EYS: variants seen among roughly 807,000 people sequenced by gnomAD.
EYS encodes the protein EGF-like photoreceptor maintenance factor, also known as protein eyes shut homolog.
In EYS, 250 loss-of-function variants were observed where a neutral mutation model predicts 282.1. The ratio of observed to expected loss-of-function variants is 0.89; its 90% confidence interval spans 0.80 to 0.98. The LOEUF (loss-of-function observed/expected upper bound fraction) is 0.98. Ranked by LOEUF, EYS falls within the 50% of genes least tolerant of loss-of-function variation. The pLI, the probability that EYS is intolerant of heterozygous loss-of-function variation, is 0.00. For missense variants in EYS, 4,016 were observed against 3,709.0 expected (o/e 1.08, Z -2.15); for synonymous variants, 1,355 against 1,282.9 (o/e 1.06, Z -1.20).
At chr6:64,528,185 C>A (rs921112148) in intron 26 of EYS, among the ~76,000 whole-genome samples, 1 of 151,730 alleles carries the variant, frequency 6.6e-6, no homozygotes, top group Non-Finnish European at 1.5e-5. Context: ...ATTTCATGTT[C>A]CTCCAGGTTT....
intron 22 of EYS, among the ~76,000 whole-genome samples, chr6:64,778,918 A>T (rs1773769399): frequency 6.6e-6 from 1 of 152,172 alleles, no homozygotes; most frequent in African/African-American, 2.4e-5. Context: ...GCTATTTGTC[A>T]TCAGAGAATT....
chr6:64,471,221 A>G (rs1476190836), intron 26 of EYS, among the ~76,000 whole-genome samples: 3 of 152,308 alleles, frequency 2.0e-5, no homozygotes, highest in East Asian at 3.9e-4. Flanking sequence ...CTTATTTAAC[A>G]TAGCATTGGA....
chr6:63,794,571 C>T (rs950612167), intron 37 of EYS, among the ~76,000 whole-genome samples: 4 of 152,186 alleles, frequency 2.6e-5, no homozygotes, highest in African/African-American at 9.7e-5. Flanking sequence ...CTTGGCTTAA[C>T]AGCCCATAAT....
At chr6:65,354,233 A>G (rs1393685) in intron 8 of EYS, among the ~76,000 whole-genome samples, 61,900 of 151,880 alleles carry the variant, frequency 0.41, 12,778 homozygotes, top group Non-Finnish European at 0.46. Flanking sequence ...ATCAACCAGC[A>G]TGAAATTTAA....
intron 26 of EYS, among the ~76,000 whole-genome samples, chr6:64,558,920 A>G (rs1373940608): frequency 6.6e-6 from 1 of 152,170 alleles, no homozygotes; most frequent in African/African-American, 2.4e-5. Flanking sequence ...GGCAGTTTCA[A>G]AGTTTTTGCA....
intron 30 of EYS, among the ~76,000 whole-genome samples, chr6:64,242,225 T>A (rs1473122281): frequency 6.6e-6 from 1 of 152,034 alleles, no homozygotes; most frequent in Non-Finnish European, 1.5e-5. Flanking sequence ...TCCTTGTTAA[T>A]TTTCTGTCTT....
intron 5 of EYS, among the ~76,000 whole-genome samples, chr6:65,454,344 A>G (rs1390648974): frequency 6.6e-6 from 1 of 151,778 alleles, no homozygotes. Flanking sequence ...TTTTTTGCCC[A>G]TTGCTAAATC....
chr6:64,771,435 C>T (rs950820235), intron 22 of EYS, among the ~76,000 whole-genome samples: 2 of 151,460 alleles, frequency 1.3e-5, no homozygotes, highest in Non-Finnish European at 3.0e-5. Context: ...GCTCTCTCTA[C>T]TTATTTTGGA....
intron 30 of EYS, among the ~76,000 whole-genome samples, chr6:64,297,178 C>A (rs1455868369): frequency 6.6e-6 from 1 of 152,150 alleles, no homozygotes; most frequent in Non-Finnish European, 1.5e-5. Flanking sequence ...TCACTGATTA[C>A]TGCTTCTGAT....
intron 36 of EYS, among the ~76,000 whole-genome samples, chr6:63,856,984 A>T (rs1772410468): frequency 1.3e-5 from 2 of 152,324 alleles, no homozygotes; most frequent in South Asian, 4.1e-4. Flanking sequence ...GATTAGATTT[A>T]GCTCCATATA....
intron 12 of EYS, among the ~76,000 whole-genome samples, chr6:65,222,212 T>C (rs1766484830): frequency 6.6e-6 from 1 of 152,062 alleles, no homozygotes; most frequent in South Asian, 2.1e-4. Flanking sequence ...GTGCATGAGA[T>C]TTTGCAGGGG....
chr6:65,695,933 G>C (rs1224224479), intron 1 of EYS, among the ~76,000 whole-genome samples: 2 of 151,922 alleles, frequency 1.3e-5, no homozygotes, highest in African/African-American at 4.8e-5. Context: ...ACTGCAACTT[G>C]AGCATTTTAC....
chr6:65,679,412 C>T (rs75106227), intron 1 of EYS, among the ~76,000 whole-genome samples: 2,638 of 151,980 alleles, frequency 0.017, 85 homozygotes, highest in African/African-American at 0.061. Context: ...CACTTGAGGA[C>T]ATCATGCTAA....
intron 12 of EYS, among the ~76,000 whole-genome samples, chr6:65,096,021 A>G (rs2150180740): frequency 6.6e-6 from 1 of 151,132 alleles, no homozygotes; most frequent in Non-Finnish European, 1.5e-5. Flanking sequence ...CTGTTTGGAG[A>G]TGACAGGGTC....
chr6:65,089,080 G>C (rs1181257951), intron 12 of EYS, among the ~76,000 whole-genome samples: 1 of 152,168 alleles, frequency 6.6e-6, no homozygotes, highest in Admixed American at 6.5e-5. Flanking sequence ...GAAGTTTGCT[G>C]TAGGGCCAGG....
Position 64,388,875 on chromosome 6 carries a change from A to G in EYS, c.5928-35T>C, listed in dbSNP as rs587278. ...TTTAAGAAAGAAATGGTTTTAGTAT[A>G]AGTCATATAAACATTTATCTGACAA... On this transcript the variant is annotated intron_variant, in intron 28 of 42. Coordinates refer to ENST00000503581, the MANE Select transcript of EYS (RefSeq NM_001142800.2). The G allele has an allele frequency of 0.7, 962,955 of 1,367,990 alleles. 339,400 individuals are homozygous for G. The highest frequency in any genetic ancestry group is 0.79 in the African/African-American group (52,709 of 66,490). 84.7% of individuals were successfully genotyped at this position (1,367,990 alleles called of 1,614,324 possible). A position where few individuals can be genotyped will look rare whatever the true frequency, so the allele number is the denominator to read the frequency against.
At chr6:63,953,134 G>GT (rs1243233849) in intron 35 of EYS, among the ~76,000 whole-genome samples, 1 of 152,064 alleles carries the variant, frequency 6.6e-6, no homozygotes, top group African/African-American at 2.4e-5. Flanking sequence ...ATTAAAGATG[G>GT]TTTTTTCACT....
chr6:64,053,351 A>G (rs1770877251), intron 33 of EYS, among the ~76,000 whole-genome samples: 1 of 152,274 alleles, frequency 6.6e-6, no homozygotes, highest in South Asian at 2.1e-4. Flanking sequence ...GTAATTTTAT[A>G]AAGCATATTT....
intron 30 of EYS, among the ~76,000 whole-genome samples, chr6:64,236,430 T>A (rs1562265923): frequency 1.3e-5 from 2 of 152,200 alleles, no homozygotes; most frequent in Non-Finnish European, 2.9e-5. Flanking sequence ...CCATTTCTCT[T>A]GGATATGTAA....
Sources: allele counts gnomAD v4.1 joint callset (sites outside exome capture counted in the v4.1 genomes callset), GRCh38; gene constraint gnomAD v4.1.1; transcripts MANE v1.5; gene names NCBI Gene and HGNC (gene_info 2026-07-23, HGNC 2026-07-21).